PRKCE: variants seen among roughly 807,000 people sequenced by gnomAD.
The protein encoded by PRKCE is protein kinase C epsilon.
In PRKCE, 16 loss-of-function variants were observed where a neutral mutation model predicts 85.4. The observed-to-expected ratio is 0.19, with a 90% confidence interval of 0.13 to 0.28. PRKCE has a LOEUF of 0.28. PRKCE is among the 10% of genes least tolerant of loss of function. The pLI, the probability that PRKCE is intolerant of heterozygous loss-of-function variation, is 1.00. For missense variants in PRKCE, 573 were observed against 975.2 expected, an observed-to-expected ratio of 0.59 and a Z score of 5.49; for synonymous variants, 388 against 371.5, an observed-to-expected ratio of 1.04 and a Z score of -0.51.
intron 10 of PRKCE, among the ~76,000 whole-genome samples, chr2:46,020,950 A>T (rs1050815958): frequency 2.0e-5 from 3 of 152,200 alleles, no homozygotes; most frequent in Non-Finnish European, 4.4e-5. Context: ...TATTGTTGCC[A>T]GTTCTTTGGG....
At chr2:45,965,565 T>C (rs1201467501) in intron 2 of PRKCE, among the ~76,000 whole-genome samples, 3 of 152,230 alleles carry the variant, frequency 2.0e-5, no homozygotes, top group African/African-American at 7.2e-5. Context: ...TGGACTATCA[T>C]GGCAATTTCT....
At chr2:45,800,830 C>G (rs1687806061) in intron 1 of PRKCE, among the ~76,000 whole-genome samples, 1 of 152,238 alleles carries the variant, frequency 6.6e-6, no homozygotes, top group South Asian at 2.1e-4. Context: ...ATGCACTGTG[C>G]TAGGCACTGA....
At chr2:46,157,513 C>T (rs1030189150) in intron 13 of PRKCE, among the ~76,000 whole-genome samples, 2 of 152,164 alleles carry the variant, frequency 1.3e-5, no homozygotes, top group Non-Finnish European at 2.9e-5. Context: ...GGACAGCTCC[C>T]CCCACCCACC....
chr2:45,942,571 T>A (rs1699962394), intron 2 of PRKCE, among the ~76,000 whole-genome samples: 1 of 152,160 alleles, frequency 6.6e-6, no homozygotes, highest in Non-Finnish European at 1.5e-5. Context: ...GGGGATGGCG[T>A]AGGGTGTGCA....
chr2:45,966,142 C>CT (rs1436045755), intron 2 of PRKCE, among the ~76,000 whole-genome samples: 1 of 152,000 alleles, frequency 6.6e-6, no homozygotes, highest in Admixed American at 6.6e-5. Flanking sequence ...GCTGCATGGC[C>CT]TTTCACAAGA....
intron 1 of PRKCE, among the ~76,000 whole-genome samples, chr2:45,762,545 C>T (rs1439106555): frequency 6.6e-6 from 1 of 152,128 alleles, no homozygotes; most frequent in Non-Finnish European, 1.5e-5. Flanking sequence ...TTCAGTGGAT[C>T]AAAATGGCAT....
In PRKCE at chr2:45,774,823, A is replaced by G. The variant is rs1021443603; in HGVS notation, c.349-68177A>G. Among the ~76,000 whole-genome samples the G allele has an allele frequency of 3.3e-5, 5 of 152,042 alleles. No individual in the cohort carries two copies. Among genetic ancestry groups the G allele is most frequent in the African/African-American group, 1.2e-4 (5 of 41,418 alleles). ...GTGCACCCTTTCCCGTGTGCCTGGG[A>G]GTCTCAGTCCTGCTCCTCCCATTCC... On this transcript the variant is annotated intron_variant, in intron 1 of 14. Coordinates refer to ENST00000306156, the MANE Select transcript of PRKCE (RefSeq NM_005400.3). This position sits in a 1 kb window ranked among gnomAD's most constrained non-coding sequence, Gnocchi z 4.3.
chr2:45,958,976 G>A (rs768972210), intron 2 of PRKCE, among the ~76,000 whole-genome samples: 9 of 150,820 alleles, frequency 6.0e-5, no homozygotes, highest in South Asian at 4.2e-4. Context: ...AAAGAGCCAC[G>A]TCAGGGGTCT....
intron 14 of PRKCE, among the ~76,000 whole-genome samples, chr2:46,181,437 G>T (rs1324311832): frequency 6.6e-6 from 1 of 152,152 alleles, no homozygotes; most frequent in African/African-American, 2.4e-5. Context: ...ATGAAGAATG[G>T]CATACTCTCT....
intron 2 of PRKCE, among the ~76,000 whole-genome samples, chr2:45,887,455 A>G (rs928184333): frequency 5.3e-5 from 8 of 152,162 alleles, no homozygotes; most frequent in Non-Finnish European, 1.2e-4. Flanking sequence ...TAAATGGCTT[A>G]TAGAACTATG....
At chr2:46,170,096 C>T (rs937242863) in intron 14 of PRKCE, among the ~76,000 whole-genome samples, 13 of 152,128 alleles carry the variant, frequency 8.5e-5, no homozygotes, top group African/African-American at 2.9e-4. Context: ...AATAAATGCA[C>T]CCATTTCAAG....
intron 1 of PRKCE, among the ~76,000 whole-genome samples, chr2:45,669,316 T>A (rs899527478): frequency 6.6e-6 from 1 of 152,220 alleles, no homozygotes; most frequent in African/African-American, 2.4e-5. Flanking sequence ...GGGTGGGATT[T>A]ACAGCAGTGT....
chr2:46,103,607 G>A (rs1179021768), intron 11 of PRKCE, among the ~76,000 whole-genome samples: 1 of 152,132 alleles, frequency 6.6e-6, no homozygotes. Flanking sequence ...TATAACTTTT[G>A]AATCCCCCCA....
chr2:45,931,157 T>C (rs898021263), intron 2 of PRKCE, among the ~76,000 whole-genome samples: 1 of 152,224 alleles, frequency 6.6e-6, no homozygotes, highest in Non-Finnish European at 1.5e-5. Flanking sequence ...TGGATTGATA[T>C]TTTAGTATTT....
intron 2 of PRKCE, among the ~76,000 whole-genome samples, chr2:45,873,161 G>C (rs1300688042): frequency 6.6e-6 from 1 of 152,162 alleles, no homozygotes; most frequent in Admixed American, 6.5e-5. Context: ...ATATTGGACG[G>C]CCACTTCCTA....
intron 1 of PRKCE, among the ~76,000 whole-genome samples, chr2:45,695,737 C>A (rs1211760258): frequency 6.6e-6 from 1 of 152,206 alleles, no homozygotes; most frequent in African/African-American, 2.4e-5. Context: ...CGCCACTGAA[C>A]TCCAGCCTGG....
At chr2:46,092,800 G>A (rs1231104986) in intron 11 of PRKCE, among the ~76,000 whole-genome samples, 1 of 152,200 alleles carries the variant, frequency 6.6e-6, no homozygotes, top group African/African-American at 2.4e-5. Flanking sequence ...GCTAGTCAGA[G>A]GGGAAAGTGT....
intron 2 of PRKCE, among the ~76,000 whole-genome samples, chr2:45,910,044 C>CCG (rs1553446873): frequency 4.1e-5 from 3 of 72,478 alleles, no homozygotes; most frequent in Non-Finnish European, 1.0e-4. Flanking sequence ...AAACTCACCG[C>CCG]CCCCCCCCAG....
intron 2 of PRKCE, among the ~76,000 whole-genome samples, chr2:45,894,625 G>A (rs866706258): frequency 6.6e-6 from 1 of 152,072 alleles, no homozygotes; most frequent in African/African-American, 2.4e-5. Flanking sequence ...TGTTGACGGT[G>A]CATGTGAAAC....
Sources: allele counts gnomAD v4.1 joint callset (sites outside exome capture counted in the v4.1 genomes callset), GRCh38; gene constraint gnomAD v4.1.1; non-coding constraint Gnocchi (gnomAD v3.1); transcripts MANE v1.5; gene names NCBI Gene and HGNC (gene_info 2026-07-23, HGNC 2026-07-21).